GALNT13: variants seen among roughly 807,000 people sequenced by gnomAD.
The protein encoded by GALNT13 is polypeptide N-acetylgalactosaminyltransferase 13.
In GALNT13, 28 loss-of-function variants were observed where a neutral mutation model predicts 64.2. That is an observed-to-expected ratio of 0.44 (90% confidence interval 0.32 to 0.60). The LOEUF is 0.60. GALNT13 is among the 20% of genes least tolerant of loss of function. The pLI is 0.05. For missense variants in GALNT13, 577 were observed against 669.8 expected, an observed-to-expected ratio of 0.86 and a Z score of 1.53; for synonymous variants, 214 against 224.6, an observed-to-expected ratio of 0.95 and a Z score of 0.42.
intron 2 of GALNT13, among the ~76,000 whole-genome samples, chr2:153,935,578 G>C (rs902539591): frequency 4.6e-5 from 7 of 152,318 alleles, no homozygotes; most frequent in South Asian, 2.1e-4. Flanking sequence ...TGTTTGTTTA[G>C]GTGGGAGGAA....
At chr2:153,353,124 TG>T in the GALNT13 span, among the ~76,000 whole-genome samples, 44 of 152,230 alleles carry the variant, frequency 2.9e-4, 1 homozygote, top group Middle Eastern at 3.4e-3. Flanking sequence ...AGTAGTTCTT[TG>T]GGTTCTTTCA....
intron 9 of GALNT13, among the ~76,000 whole-genome samples, chr2:154,380,784 C>T (rs993243930): frequency 2.0e-5 from 3 of 152,006 alleles, no homozygotes; most frequent in Admixed American, 6.6e-5. Flanking sequence ...CACATGCCTG[C>T]AATTAATGTG....
chr2:153,460,578 A>G, the GALNT13 span, among the ~76,000 whole-genome samples: 5 of 152,186 alleles, frequency 3.3e-5, no homozygotes, highest in Non-Finnish European at 5.9e-5. Flanking sequence ...AAGTAATATT[A>G]TTAAGTTATG....
intron 9 of GALNT13, among the ~76,000 whole-genome samples, chr2:154,350,657 T>G (rs1054959354): frequency 3.3e-5 from 5 of 152,184 alleles, no homozygotes; most frequent in African/African-American, 1.2e-4. Context: ...TCTATCATAT[T>G]AGTCCTATCC....
chr2:153,500,764 C>T, the GALNT13 span, among the ~76,000 whole-genome samples: 273 of 152,126 alleles, frequency 1.8e-3, no homozygotes, highest in African/African-American at 6.0e-3. Context: ...CTGTGAATGG[C>T]AAAATGTTTT....
chr2:154,360,078 G>C (rs1395744914), intron 9 of GALNT13, among the ~76,000 whole-genome samples: 1 of 151,996 alleles, frequency 6.6e-6, no homozygotes, highest in East Asian at 1.9e-4. Flanking sequence ...CAATAAACTT[G>C]TTTTCTTTTA....
chr2:153,104,461 C>G, the GALNT13 span, among the ~76,000 whole-genome samples: 1 of 151,982 alleles, frequency 6.6e-6, no homozygotes, highest in African/African-American at 2.4e-5. Flanking sequence ...GCATACATAC[C>G]CTCCTGACAA....
At chr2:154,237,968 T>C (rs1328819184) in intron 4 of GALNT13, among the ~76,000 whole-genome samples, 1 of 152,068 alleles carries the variant, frequency 6.6e-6, no homozygotes, top group African/African-American at 2.4e-5. Flanking sequence ...ATTTGCCTGT[T>C]AATCAACAGC....
the GALNT13 span, among the ~76,000 whole-genome samples, chr2:153,198,570 T>C: frequency 1.3e-5 from 2 of 152,220 alleles, no homozygotes; most frequent in African/African-American, 4.8e-5. Flanking sequence ...CTTTGTGGAG[T>C]TGAGTGTCCT....
At chr2:154,017,100 T>C (rs1006450276) in intron 3 of GALNT13, among the ~76,000 whole-genome samples, 1 of 152,084 alleles carries the variant, frequency 6.6e-6, no homozygotes. Context: ...GAAGAACAGA[T>C]AACAGAGTAT....
At chr2:154,139,954 A>T (rs1464853824) in intron 3 of GALNT13, among the ~76,000 whole-genome samples, 2 of 152,146 alleles carry the variant, frequency 1.3e-5, no homozygotes, top group African/African-American at 4.8e-5. Flanking sequence ...ATTTAATTGG[A>T]TGTGAAAATA....
At chr2:154,190,058 C>T (rs189654645) in intron 4 of GALNT13, among the ~76,000 whole-genome samples, 4 of 152,226 alleles carry the variant, frequency 2.6e-5, no homozygotes, top group South Asian at 2.1e-4. Context: ...GTGTGTTTTT[C>T]GTTATCTTGT....
the GALNT13 span, among the ~76,000 whole-genome samples, chr2:153,170,212 C>T: frequency 2.6e-5 from 4 of 152,036 alleles, no homozygotes; most frequent in Non-Finnish European, 5.9e-5. Context: ...AAACCTAATA[C>T]GTTCCTTAAA....
chr2:153,849,799 T>G, the GALNT13 span, among the ~76,000 whole-genome samples: 1 of 152,026 alleles, frequency 6.6e-6, no homozygotes, highest in African/African-American at 2.4e-5. Context: ...ATGTGTTCCT[T>G]TAAGTATTCA....
the GALNT13 span, among the ~76,000 whole-genome samples, chr2:153,340,387 T>C: frequency 2.0e-5 from 3 of 152,164 alleles, no homozygotes; most frequent in Non-Finnish European, 4.4e-5. Flanking sequence ...CCGGGCAAGG[T>C]GGCTCACGCC....
At chr2:153,309,991 A>C in the GALNT13 span, among the ~76,000 whole-genome samples, 4 of 152,176 alleles carry the variant, frequency 2.6e-5, no homozygotes, top group African/African-American at 9.6e-5. Flanking sequence ...AACATGGTCT[A>C]TACTCATAAG....
chr2:154,130,604 T>C (rs1370324555), intron 3 of GALNT13, among the ~76,000 whole-genome samples: 2 of 152,244 alleles, frequency 1.3e-5, no homozygotes, highest in South Asian at 4.1e-4. Flanking sequence ...ACTTGCCTCA[T>C]GCTTTCTGTG....
the GALNT13 span, among the ~76,000 whole-genome samples, chr2:153,730,701 GA>G: frequency 1.3e-4 from 19 of 148,648 alleles, no homozygotes; most frequent in East Asian, 8.0e-4. Flanking sequence ...AACTCAAGAA[GA>G]AAAAAAAATA....
At chr2:153,985,086 A>G (rs1694707833) in intron 3 of GALNT13, among the ~76,000 whole-genome samples, 1 of 152,058 alleles carries the variant, frequency 6.6e-6, no homozygotes, top group African/African-American at 2.4e-5. Flanking sequence ...ATCAACTACA[A>G]CTATCTATAT....
Sources: gnomAD v4.1 joint callset for allele counts (sites outside exome capture counted in the v4.1 genomes callset) on GRCh38, gnomAD v4.1.1 for gene constraint, MANE v1.5 for transcripts, NCBI Gene and HGNC (gene_info 2026-07-23, HGNC 2026-07-21) for gene names.